Variants in CHIC2 observed in about 807,000 individuals in gnomAD.
The protein encoded by CHIC2 is cysteine rich hydrophobic domain 2.
A neutral mutation model predicts 25.9 loss-of-function variants in CHIC2; 14 were observed. The observed-to-expected ratio is 0.54, with a 90% CI of 0.36 to 0.85. The LOEUF (loss-of-function observed/expected upper bound fraction) is 0.85, where lower values mean the gene tolerates loss of function less well. Among genes scored for constraint, CHIC2 ranks in the 40% least tolerant of loss-of-function variants. The pLI is 0.01. For missense variants in CHIC2, 146 were observed against 202.0 expected (o/e 0.72, Z 1.68); for synonymous variants, 70 against 72.0 (o/e 0.97, Z 0.14).
At chr4:54,071,163 A>G in the CHIC2 span, among the ~76,000 whole-genome samples, 1 of 152,194 alleles carries the variant, frequency 6.6e-6, no homozygotes, top group Non-Finnish European at 1.5e-5. Context: ...AGCAGAACCA[A>G]TTATGCTTGG....
In CHIC2 at chr4:54,053,791, A is replaced by G. The variant is rs150196656; in HGVS notation, c.120-4486T>C. ...CCTGCTAACTAAATAATTGACGAGTATTTTATTTTATTTTTTTGAGACAGA... is the reference window on the plus strand; with the variant it reads ...CCTGCTAACTAAATAATTGACGAGTGTTTTATTTTATTTTTTTGAGACAGA... On this transcript the variant is annotated intron_variant, in intron 1 of 5. Coordinates refer to ENST00000263921, the MANE Select transcript of CHIC2 (RefSeq NM_012110.4). 1.9e-3 allele frequency among the ~76,000 whole-genome samples: 281 copies of G among 151,886 alleles called. 1 individual carries two copies. Among genetic ancestry groups the G allele is most frequent in the African/African-American group, 6.6e-3 (275 of 41,416 alleles).
chr4:54,076,434 G>C, the CHIC2 span, among the ~76,000 whole-genome samples: 1 of 151,938 alleles, frequency 6.6e-6, no homozygotes, highest in Non-Finnish European at 1.5e-5. Context: ...TAAATAAGAA[G>C]GAAAAAATAT....
chr4:54,013,257 T>C (rs571183517), intron 5 of CHIC2, among the ~76,000 whole-genome samples: 79 of 152,140 alleles, frequency 5.2e-4, no homozygotes, highest in Admixed American at 2.6e-3. Flanking sequence ...CTAAAATTCA[T>C]TGTATATATA....
intron 3 of CHIC2, among the ~76,000 whole-genome samples, chr4:54,033,983 G>A (rs1453852578): frequency 6.6e-6 from 1 of 151,464 alleles, no homozygotes; most frequent in East Asian, 1.9e-4. Flanking sequence ...TTTTGCTTTT[G>A]TAGGTTGTCT....
intron 3 of CHIC2, among the ~76,000 whole-genome samples, chr4:54,035,082 G>A (rs1011208933): frequency 2.0e-5 from 3 of 152,158 alleles, no homozygotes; most frequent in African/African-American, 7.2e-5. Context: ...TTCCTGGGAA[G>A]GACAATGTAC....
the CHIC2 span, among the ~76,000 whole-genome samples, chr4:54,070,875 A>C: frequency 2.6e-5 from 4 of 152,294 alleles, no homozygotes; most frequent in East Asian, 7.7e-4. Context: ...TCCTCAGTAC[A>C]TGTGATTAGG....
At chr4:54,047,874 A>T (rs1047873683) in intron 3 of CHIC2, among the ~76,000 whole-genome samples, 10 of 152,078 alleles carry the variant, frequency 6.6e-5, no homozygotes, top group Non-Finnish European at 1.5e-4. Flanking sequence ...ATTTAAAAAA[A>T]TTTTTTTAAA....
intron 3 of CHIC2, among the ~76,000 whole-genome samples, chr4:54,023,545 T>A (rs1715967669): frequency 6.6e-6 from 1 of 152,140 alleles, no homozygotes. Flanking sequence ...TGACTGTATC[T>A]CTCTGATCCA....
At chr4:54,056,460 T>A (rs1242314013) in intron 1 of CHIC2, among the ~76,000 whole-genome samples, 1 of 152,182 alleles carries the variant, frequency 6.6e-6, no homozygotes, top group Non-Finnish European at 1.5e-5. Flanking sequence ...AATACTCATT[T>A]CAAGTAACAT....
chr4:54,039,107 A>C (rs1179032552), intron 3 of CHIC2, among the ~76,000 whole-genome samples: 3 of 152,166 alleles, frequency 2.0e-5, no homozygotes, highest in Non-Finnish European at 2.9e-5. Context: ...CACTCATATA[A>C]AAACCTGAGT....
intron 1 of CHIC2, among the ~76,000 whole-genome samples, chr4:54,054,738 T>C (rs1717121711): frequency 1.3e-5 from 2 of 152,232 alleles, no homozygotes; most frequent in Admixed American, 1.3e-4. Flanking sequence ...CAAACAGTCC[T>C]GCCTAACTTA....
At chr4:54,087,431 A>G in the CHIC2 span, 5 of 608,058 alleles carry the variant, frequency 8.2e-6, no homozygotes, top group Non-Finnish European at 1.4e-5. Context: ...ATCGCAGGGA[A>G]ACGTCGATAA....
At chr4:54,085,765 G>C in the CHIC2 span, among the ~76,000 whole-genome samples, 1 of 152,112 alleles carries the variant, frequency 6.6e-6, no homozygotes, top group Admixed American at 6.5e-5. Context: ...AGGGCCACTG[G>C]ATTTAGAAGC....
chr4:54,073,079 A>G, the CHIC2 span, among the ~76,000 whole-genome samples: 1 of 151,952 alleles, frequency 6.6e-6, no homozygotes, highest in Non-Finnish European at 1.5e-5. Flanking sequence ...AAAAAAAAAA[A>G]GATGTTCACA....
intron 3 of CHIC2, among the ~76,000 whole-genome samples, chr4:54,043,930 A>G (rs1338987974): frequency 6.6e-6 from 1 of 152,216 alleles, no homozygotes; most frequent in African/African-American, 2.4e-5. Context: ...AGAGACACAT[A>G]TAGGCTCAAA....
At chr4:54,034,437 A>T (rs7664486) in intron 3 of CHIC2, among the ~76,000 whole-genome samples, 59,694 of 151,740 alleles carry the variant, frequency 0.39, 12,781 homozygotes, top group African/African-American at 0.56. Context: ...TTCTGACACA[A>T]GAACCAATAT....
chr4:54,070,118 TAGAG>T, the CHIC2 span, among the ~76,000 whole-genome samples: 1 of 151,976 alleles, frequency 6.6e-6, no homozygotes, highest in Non-Finnish European at 1.5e-5. Flanking sequence ...GGTAGGGAAG[TAGAG>T]AGAAGAGAGG....
intron 1 of CHIC2, among the ~76,000 whole-genome samples, chr4:54,055,661 C>G (rs559999709): frequency 6.6e-6 from 1 of 152,224 alleles, no homozygotes; most frequent in East Asian, 1.9e-4. Context: ...ATTGGTTATG[C>G]AGATGGCACA....
chr4:54,019,119 AATTAT>A (rs1438284387), intron 3 of CHIC2, among the ~76,000 whole-genome samples: 1 of 151,986 alleles, frequency 6.6e-6, no homozygotes, highest in Non-Finnish European at 1.5e-5. Context: ...CTTAAGAGGA[AATTAT>A]ATTATTCACT....
Sources: gnomAD v4.1 joint callset for allele counts (sites outside exome capture counted in the v4.1 genomes callset) on GRCh38, gnomAD v4.1.1 for gene constraint, MANE v1.5 for transcripts, NCBI Gene and HGNC (gene_info 2026-07-23, HGNC 2026-07-21) for gene names.